PBX1: variants seen among roughly 807,000 people sequenced by gnomAD.
The protein encoded by PBX1 is pre-B-cell leukemia transcription factor 1.
Under a neutral mutation model 53.4 loss-of-function variants are expected in PBX1, and 6 were observed. The observed-to-expected ratio is 0.11, with a 90% CI of 0.06 to 0.22. The LOEUF is 0.22. Ranked by LOEUF, PBX1 falls within the 10% of genes least tolerant of loss-of-function variation. PBX1 has a pLI of 1.00. For synonymous variants in PBX1, 204 were observed against 212.3 expected, an observed-to-expected ratio of 0.96 and a Z score of 0.34; for missense variants, 251 against 551.4, an observed-to-expected ratio of 0.46 and a Z score of 5.46.
At chr1:164,872,233 C>T (rs560360989) in intron 2 of PBX1, among the ~76,000 whole-genome samples, 3 of 152,308 alleles carry the variant, frequency 2.0e-5, no homozygotes, top group South Asian at 2.1e-4. Context: ...GCCTTGGCCC[C>T]GACCATTCCA....
intron 2 of PBX1, among the ~76,000 whole-genome samples, chr1:164,858,285 A>G (rs905688812): frequency 6.6e-6 from 1 of 152,184 alleles, no homozygotes; most frequent in African/African-American, 2.4e-5. Flanking sequence ...GAGTCCAAGT[A>G]TGTGCCTTGT....
intron 2 of PBX1, among the ~76,000 whole-genome samples, chr1:164,737,897 C>T (rs1296685159): frequency 6.6e-6 from 1 of 152,150 alleles, no homozygotes. Context: ...TCCCCACCTC[C>T]CCCCAACCGG....
intron 2 of PBX1, among the ~76,000 whole-genome samples, chr1:164,700,029 G>A (rs1242643722): frequency 6.6e-6 from 1 of 152,172 alleles, no homozygotes; most frequent in Non-Finnish European, 1.5e-5. Context: ...TAAACCATCC[G>A]CATATAAGAA....
At chr1:164,565,802 G>T in intron 2 of PBX1, among the ~76,000 whole-genome samples, 1 of 150,086 alleles carries the variant, frequency 6.7e-6, no homozygotes, top group Non-Finnish European at 1.5e-5. Context: ...TGAAAACATC[G>T]CTTGAGTGAT....
At chr1:164,774,564 G>A (rs545646326) in intron 2 of PBX1, 1 of 152,336 alleles carries the variant, frequency 6.6e-6, no homozygotes, top group Admixed American at 6.5e-5. Flanking sequence ...TACAGACAAT[G>A]CTGTAATTGC....
At chr1:164,728,469 T>C (rs967269185) in intron 2 of PBX1, among the ~76,000 whole-genome samples, 30 of 152,208 alleles carry the variant, frequency 2.0e-4, no homozygotes, top group Non-Finnish European at 4.4e-5. Context: ...ATAATTTGCT[T>C]GTTTTCCAAA....
At chr1:164,783,142 C>T (rs532557481) in intron 2 of PBX1, among the ~76,000 whole-genome samples, 1 of 152,278 alleles carries the variant, frequency 6.6e-6, no homozygotes, top group Non-Finnish European at 1.5e-5. Flanking sequence ...ATGGTGTCGC[C>T]TCTGGCTCAG....
chr1:164,873,738 A>G (rs934891583), intron 2 of PBX1, among the ~76,000 whole-genome samples: 4 of 152,230 alleles, frequency 2.6e-5, no homozygotes, highest in East Asian at 1.9e-4. Context: ...TTATAGATCA[A>G]TCTGCTGTGA....
At position 164,709,627 on chromosome 1, in the gene PBX1, C is replaced by T. The variant is rs143599508; in HGVS notation, c.266-82867C>T. Among the ~76,000 whole-genome samples the T allele has an allele frequency of 2.9e-3, 438 of 151,648 alleles. 1 individual carries two copies. The highest frequency in any genetic ancestry group is 4.8e-3 in the Non-Finnish European group (328 of 67,968). On this transcript the variant is annotated intron_variant, in intron 2 of 8. Transcript: ENST00000420696. ...CAATTTCTTGCATAGGTCTGCTGGCCAGTCTCTTATTAATACTGCAAGGCA... is the reference window on the plus strand; with the variant it reads ...CAATTTCTTGCATAGGTCTGCTGGCTAGTCTCTTATTAATACTGCAAGGCA...
Position 164,740,843 on chromosome 1 carries a change from T to C in PBX1, c.266-51651T>C, listed in dbSNP as rs569959499. 2.6e-5 allele frequency among the ~76,000 whole-genome samples: 4 copies of C among 152,266 alleles called. 1 individual carries two copies. Among genetic ancestry groups the C allele is most frequent in the African/African-American group, 9.6e-5 (4 of 41,550 alleles). On this transcript the variant is annotated intron_variant, in intron 2 of 8. Transcript: ENST00000420696. ...TATTTTGCTTAATTCTATGGGAAGA[T>C]AGAAAAGGGGATCTTATTCTGCCCA...
At chr1:164,682,829 A>G (rs1661866991) in intron 2 of PBX1, 1 of 151,994 alleles carries the variant, frequency 6.6e-6, no homozygotes, top group South Asian at 2.1e-4. Flanking sequence ...TGCCGACGGA[A>G]GGAGTTCTTC....
At chr1:164,594,225 A>T (rs2101780541) in intron 2 of PBX1, among the ~76,000 whole-genome samples, 1 of 152,132 alleles carries the variant, frequency 6.6e-6, no homozygotes, top group African/African-American at 2.4e-5. Flanking sequence ...GCACAAGATG[A>T]AACACAGAAT....
chr1:164,810,321 A>T (rs1191040672), intron 5 of PBX1, among the ~76,000 whole-genome samples: 1 of 152,178 alleles, frequency 6.6e-6, no homozygotes, highest in Non-Finnish European at 1.5e-5. Context: ...TAGTTCATTC[A>T]TGATAACACT....
chr1:164,653,685 G>A lies in PBX1; in HGVS notation c.265+90374G>A, dbSNP rs369084757. On this transcript the variant is annotated intron_variant, in intron 2 of 8. Coordinates refer to ENST00000420696, the MANE Select transcript of PBX1 (RefSeq NM_002585.4). ...CTTGGGAGACTAAGGCAGGAGCATCGCTTGAACCGGGGAAGCGGAGGTTGC... is the reference window on the plus strand; with the variant it reads ...CTTGGGAGACTAAGGCAGGAGCATCACTTGAACCGGGGAAGCGGAGGTTGC... Among the ~76,000 whole-genome samples, 8 of 152,256 alleles carry A rather than the reference G, an allele frequency of 5.3e-5. No individual in the cohort carries two copies. In the South Asian group the frequency reaches 6.2e-4, roughly 12 times the overall value.
Position 164,849,768 on chromosome 1 carries a change from T to C in PBX1, c.*3092T>C, listed in dbSNP as rs1671742989. On this transcript the variant is annotated 3_prime_UTR_variant, in exon 9 of 9. Transcript: ENST00000420696. ...TTTATTTTGCTATGGTGGTGATTCT[T>C]TATTTGCTGGTTGTCTTTTCTCACA... 1 of 241,314 alleles carries C rather than the reference T, an allele frequency of 4.1e-6. No individual in the cohort carries two copies. The highest frequency in any genetic ancestry group is 8.1e-6 in the Non-Finnish European group (1 of 123,686). 14.9% of individuals were successfully genotyped at this position (241,314 alleles called of 1,614,324 possible). A position where few individuals can be genotyped will look rare whatever the true frequency, so the allele number is the denominator to read the frequency against.
intron 2 of PBX1, among the ~76,000 whole-genome samples, chr1:164,678,235 G>A (rs1376120461): frequency 1.3e-5 from 2 of 152,198 alleles, no homozygotes; most frequent in East Asian, 3.9e-4. Flanking sequence ...AAGACGCAAA[G>A]CTGAAGGCCA....
intron 2 of PBX1, among the ~76,000 whole-genome samples, chr1:164,869,648 G>A (rs1209896573): frequency 6.6e-6 from 1 of 152,316 alleles, no homozygotes; most frequent in East Asian, 1.9e-4. Flanking sequence ...CTTTACGTTA[G>A]AGGAAAGGAC....
intron 2 of PBX1, among the ~76,000 whole-genome samples, chr1:164,772,010 A>AG (rs1398800938): frequency 6.6e-6 from 1 of 152,140 alleles, no homozygotes; most frequent in Admixed American, 6.5e-5. Flanking sequence ...CCCCAAGAAT[A>AG]GGGGGGAAAA....
At chr1:164,699,051 G>A (rs897205582) in intron 2 of PBX1, among the ~76,000 whole-genome samples, 2 of 152,152 alleles carry the variant, frequency 1.3e-5, no homozygotes, top group Non-Finnish European at 2.9e-5. Flanking sequence ...GGAGACTCAA[G>A]AATTTAAAAA....
Sources: allele counts gnomAD v4.1 joint callset (sites outside exome capture counted in the v4.1 genomes callset), GRCh38; gene constraint gnomAD v4.1.1; transcripts MANE v1.5; gene names NCBI Gene and HGNC (gene_info 2026-07-23, HGNC 2026-07-21).